The following TEX9 variants were observed in gnomAD, a reference collection of about 807,000 sequenced individuals.
TEX9 encodes testis-expressed protein 9.
Under a neutral mutation model 59.6 loss-of-function variants are expected in TEX9, and 74 were observed. The ratio of observed to expected loss-of-function variants is 1.24; its 90% CI spans 1.03 to 1.51. The LOEUF is 1.51. Ranked by LOEUF, TEX9 falls within the 40% of genes most tolerant of loss-of-function variation. The probability of loss-of-function intolerance (pLI) is 0.00; values close to 1 mark genes in which losing one functional copy is unlikely to be tolerated. For missense variants in TEX9, 522 were observed against 447.8 expected, an observed-to-expected ratio of 1.17 and a Z score of -1.49; for synonymous variants, 186 against 152.2, an observed-to-expected ratio of 1.22 and a Z score of -1.64.
At chr15:56,446,981 C>G, downstream of TEX9, 1 of 1,427,560 alleles carries the variant, frequency 7.0e-7, no homozygotes, top group Non-Finnish European at 9.7e-7. Flanking sequence ...AATGTTAGGA[C>G]CATAAGAGAA....
At chr15:56,271,794 A>G (rs539183925) in intron 1 of TEX9, among the ~76,000 whole-genome samples, 1 of 152,334 alleles carries the variant, frequency 6.6e-6, no homozygotes, top group East Asian at 1.9e-4. Context: ...CTTTTTAATT[A>G]TTAAAATTTA....
In TEX9 at chr15:56,389,410, A is replaced by C; in HGVS notation, c.395+10A>C. 1.3e-6 allele frequency: 2 copies of C among 1,562,480 alleles called. No individual in the cohort carries two copies. Among genetic ancestry groups the C allele is most frequent in the Non-Finnish European group, 1.8e-6 (2 of 1,141,468 alleles). On this transcript the variant is annotated intron_variant, in intron 6 of 12. Coordinates refer to ENST00000352903, the Ensembl canonical transcript of TEX9. ...GGAAAACAAATTCAAGGTATAGTAT[A>C]GTTTTCAAAGTATTTCTTTTTTTTT...
intron 1 of TEX9, among the ~76,000 whole-genome samples, chr15:56,288,347 T>A (rs571614836): frequency 5.3e-5 from 8 of 152,236 alleles, no homozygotes; most frequent in African/African-American, 1.4e-4. Context: ...TACTTTCTCA[T>A]GTTTTTTTGT....
At chr15:56,338,420 G>T (rs2046300769) in intron 1 of TEX9, among the ~76,000 whole-genome samples, 1 of 152,212 alleles carries the variant, frequency 6.6e-6, no homozygotes, top group Non-Finnish European at 1.5e-5. Flanking sequence ...GGGTGGTGCA[G>T]TATATGATAG....
intron 12 of TEX9, among the ~76,000 whole-genome samples, chr15:56,439,379 CA>C (rs1164158172): frequency 1.3e-5 from 2 of 151,732 alleles, no homozygotes; most frequent in South Asian, 4.1e-4. Flanking sequence ...AAAATCCCAG[CA>C]AAAAATATTT....
At chr15:56,427,652 AAAC>A (rs765563761) in exon 11 of TEX9, 1 of 1,551,482 alleles carries the variant, frequency 6.4e-7, no homozygotes, top group African/African-American at 1.4e-5. Context: ...TAAAATCAGA[AAAC>A]AAGAAGCTAG....
chr15:56,371,365 G>C (rs1828143925), intron 2 of TEX9, among the ~76,000 whole-genome samples: 2 of 152,012 alleles, frequency 1.3e-5, no homozygotes, highest in Admixed American at 1.3e-4. Flanking sequence ...TTCAGTGACT[G>C]TGTTTTTCAT....
At chr15:56,401,552 T>C (rs543823047) in intron 9 of TEX9, among the ~76,000 whole-genome samples, 1 of 152,176 alleles carries the variant, frequency 6.6e-6, no homozygotes, top group African/African-American at 2.4e-5. Flanking sequence ...TGGGAGACTT[T>C]TACACCCCAC....
chr15:56,317,671 T>C (rs1303007371), intron 1 of TEX9, among the ~76,000 whole-genome samples: 1 of 152,206 alleles, frequency 6.6e-6, no homozygotes, highest in Non-Finnish European at 1.5e-5. Flanking sequence ...TAGCTAGACA[T>C]TTCTAAGTAC....
At chr15:56,268,895 G>A (rs2044455400) in intron 1 of TEX9, among the ~76,000 whole-genome samples, 3 of 152,076 alleles carry the variant, frequency 2.0e-5, no homozygotes, top group Admixed American at 2.0e-4. Flanking sequence ...TATTCAGAAG[G>A]AATGGTACCA....
chr15:56,360,154 A>C (rs1479392398), intron 1 of TEX9, among the ~76,000 whole-genome samples: 3 of 152,200 alleles, frequency 2.0e-5, no homozygotes, highest in African/African-American at 7.2e-5. Context: ...TTAAGGGTTT[A>C]AAAATCTATA....
intron 1 of TEX9, among the ~76,000 whole-genome samples, chr15:56,283,882 GA>G (rs2141467519): frequency 6.6e-6 from 1 of 152,192 alleles, no homozygotes; most frequent in South Asian, 2.1e-4. Context: ...TATACAAAGG[GA>G]TGAATTCACA....
At chr15:56,404,803 TA>T (rs2048992396) in intron 9 of TEX9, among the ~76,000 whole-genome samples, 1 of 151,996 alleles carries the variant, frequency 6.6e-6, no homozygotes, top group South Asian at 2.1e-4. Flanking sequence ...TCTGCAGCCA[TA>T]AAAAAGGGTG....
intron 10 of TEX9, among the ~76,000 whole-genome samples, chr15:56,422,973 G>A (rs2050054138): frequency 6.6e-6 from 1 of 152,188 alleles, no homozygotes; most frequent in South Asian, 2.1e-4. Flanking sequence ...GTTGTAGCAT[G>A]TGTCAGAATT....
intron 1 of TEX9, among the ~76,000 whole-genome samples, chr15:56,287,053 G>A (rs2044970337): frequency 6.6e-6 from 1 of 152,112 alleles, no homozygotes; most frequent in Admixed American, 6.5e-5. Flanking sequence ...ATGCAGCATA[G>A]GACATGGAGG....
intron 10 of TEX9, among the ~76,000 whole-genome samples, chr15:56,425,447 C>A (rs1419834806): frequency 1.3e-5 from 2 of 152,134 alleles, no homozygotes; most frequent in Non-Finnish European, 2.9e-5. Flanking sequence ...TTTCAAATGA[C>A]CTGTCTGAAA....
Position 56,268,118 on chromosome 15 carries a change from C to T in TEX9, c.-107+23840C>T, listed in dbSNP as rs190758417. ...ATGGGAGTTCACTCATGATTTGGCTCTCTGTTTGTCTGTTATTGGTGTATA... is the reference window on the plus strand; with the variant it reads ...ATGGGAGTTCACTCATGATTTGGCTTTCTGTTTGTCTGTTATTGGTGTATA... On this transcript the variant is annotated intron_variant, in intron 1 of 5. Transcript: ENST00000560827. Among the ~76,000 whole-genome samples the T allele has an allele frequency of 8.1e-4, 124 of 152,242 alleles. 1 individual carries two copies. Among genetic ancestry groups the T allele is most frequent in the African/African-American group, 2.8e-3 (116 of 41,540 alleles).
At chr15:56,444,014 G>T (rs1364030032) in intron 12 of TEX9, among the ~76,000 whole-genome samples, 1 of 151,902 alleles carries the variant, frequency 6.6e-6, no homozygotes, top group South Asian at 2.1e-4. Context: ...ATAATGTCAG[G>T]TATGAATTTT....
At chr15:56,295,053 C>T (rs1408612942) in intron 1 of TEX9, among the ~76,000 whole-genome samples, 5 of 151,584 alleles carry the variant, frequency 3.3e-5, no homozygotes, top group African/African-American at 9.7e-5. Flanking sequence ...ATACTTTTTT[C>T]CTTAACTAGT....
Sources: gnomAD v4.1 joint callset for allele counts (sites outside exome capture counted in the v4.1 genomes callset) on GRCh38, gnomAD v4.1.1 for gene constraint, MANE v1.5 for transcripts, NCBI Gene and HGNC (gene_info 2026-07-23, HGNC 2026-07-21) for gene names.